The following SCMH1 variants were observed in gnomAD, a reference collection of about 807,000 sequenced individuals.
SCMH1 encodes the protein Scm polycomb group protein homolog 1.
In SCMH1, 37 loss-of-function variants were observed where a neutral mutation model predicts 70.8. The ratio of observed to expected loss-of-function variants is 0.52; its 90% confidence interval spans 0.40 to 0.69. The LOEUF (loss-of-function observed/expected upper bound fraction) is 0.69. Among genes scored for constraint, SCMH1 ranks in the 30% least tolerant of loss-of-function variants. The probability of loss-of-function intolerance (pLI) is 0.00; values close to 1 mark genes in which losing one functional copy is unlikely to be tolerated. For missense variants in SCMH1, 607 were observed against 827.3 expected (o/e 0.73, Z 3.27); for synonymous variants, 292 against 307.4 (o/e 0.95, Z 0.52).
intron 8 of SCMH1, among the ~76,000 whole-genome samples, chr1:41,108,415 A>G (rs1668522389): frequency 6.6e-6 from 1 of 152,238 alleles, no homozygotes. Flanking sequence ...CATGATGGCT[A>G]AAGGTATGAT....
At chr1:41,152,603 A>G (rs1207114730) in intron 4 of SCMH1, 1 of 1,614,150 alleles carries the variant, frequency 6.2e-7, no homozygotes, top group East Asian at 2.2e-5. Flanking sequence ...ACCCACCTAG[A>G]GGTGACCCCA....
intron 10 of SCMH1, among the ~76,000 whole-genome samples, chr1:41,054,478 A>T (rs1244646742): frequency 6.6e-6 from 1 of 152,184 alleles, no homozygotes; most frequent in African/African-American, 2.4e-5. Flanking sequence ...AAGGCAAAAA[A>T]CTATAAATTA....
chr1:41,109,554 C>T (rs1001554130), intron 8 of SCMH1, among the ~76,000 whole-genome samples: 9 of 152,122 alleles, frequency 5.9e-5, no homozygotes, highest in South Asian at 2.1e-4. Flanking sequence ...TTTTGTAGGA[C>T]TTACTGAGGG....
intron 1 of SCMH1, among the ~76,000 whole-genome samples, chr1:41,235,569 T>TA (rs61093555): frequency 0.028 from 1,224 of 42,970 alleles, 101 homozygotes; most frequent in African/African-American, 0.036. Context: ...AGACTCCGTC[T>TA]AAAAAAAAAA....
At chr1:41,066,881 T>C (rs1000792109) in intron 10 of SCMH1, among the ~76,000 whole-genome samples, 6 of 152,132 alleles carry the variant, frequency 3.9e-5, no homozygotes, top group Admixed American at 6.6e-5. Flanking sequence ...TGAGCCACTG[T>C]GCCCAGCCCT....
intron 10 of SCMH1, among the ~76,000 whole-genome samples, chr1:41,049,308 A>ATGTGTGTG (rs1443409793): frequency 1.6e-5 from 1 of 60,780 alleles, no homozygotes; most frequent in South Asian, 8.5e-4. Context: ...TAGCAAGGGC[A>ATGTGTGTG]TATGTGTGTG....
intron 8 of SCMH1, among the ~76,000 whole-genome samples, chr1:41,090,381 A>C (rs563117252): frequency 6.6e-6 from 1 of 152,200 alleles, no homozygotes; most frequent in African/African-American, 2.4e-5. Flanking sequence ...TTAGATGCTC[A>C]TATCTGCTTC....
intron 8 of SCMH1, among the ~76,000 whole-genome samples, chr1:41,089,785 C>CTTTTTTTTTTTT (rs1558778255): frequency 1.1e-4 from 4 of 37,320 alleles, no homozygotes; most frequent in East Asian, 6.9e-4. Context: ...ACCATGTTGT[C>CTTTTTTTTTTTT]TCTTTTTTTT....
At chr1:41,237,203 T>C (rs958321469) in intron 1 of SCMH1, among the ~76,000 whole-genome samples, 2 of 152,292 alleles carry the variant, frequency 1.3e-5, no homozygotes, top group Middle Eastern at 6.8e-3. Flanking sequence ...CTAATCAGTA[T>C]GGCGGAATAA....
chr1:41,186,186 T>C, exon 2 of SCMH1: 2 of 992,304 alleles, frequency 2.0e-6, no homozygotes, highest in African/African-American at 1.6e-5. Flanking sequence ...GATTTATCCC[T>C]GGATCCACCA....
At chr1:41,123,438 C>T (rs1231563754) in intron 6 of SCMH1, among the ~76,000 whole-genome samples, 1 of 152,124 alleles carries the variant, frequency 6.6e-6, no homozygotes, top group Non-Finnish European at 1.5e-5. Flanking sequence ...TGACTAGGGG[C>T]CTCATTAAAG....
At chr1:41,071,618 T>C (rs1656533367) in intron 9 of SCMH1, among the ~76,000 whole-genome samples, 1 of 152,068 alleles carries the variant, frequency 6.6e-6, no homozygotes, top group Non-Finnish European at 1.5e-5. Flanking sequence ...TCAGGGCAGT[T>C]TTTGGGGGAG....
At chr1:41,233,695 C>T (rs1180610669) in intron 1 of SCMH1, among the ~76,000 whole-genome samples, 6 of 152,122 alleles carry the variant, frequency 3.9e-5, no homozygotes, top group African/African-American at 9.7e-5. Flanking sequence ...ATCCAATGAT[C>T]TTCTCTTTTT....
chr1:41,086,249 G>T (rs1316532436), intron 8 of SCMH1, among the ~76,000 whole-genome samples: 2 of 152,150 alleles, frequency 1.3e-5, no homozygotes, highest in Non-Finnish European at 2.9e-5. Flanking sequence ...CTCAAACAGT[G>T]AAAGAATTGA....
At chr1:41,126,484 C>G (rs550534076) in intron 6 of SCMH1, among the ~76,000 whole-genome samples, 1 of 152,144 alleles carries the variant, frequency 6.6e-6, no homozygotes, top group East Asian at 1.9e-4. Context: ...TACTTTCTAC[C>G]TTATTCCAAG....
intron 2 of SCMH1, among the ~76,000 whole-genome samples, chr1:41,173,712 A>G (rs1646935726): frequency 6.6e-6 from 1 of 152,208 alleles, no homozygotes; most frequent in Admixed American, 6.5e-5. Context: ...GGGATCAACC[A>G]AAGTGTCCAT....
intron 6 of SCMH1, among the ~76,000 whole-genome samples, chr1:41,138,025 T>C (rs1643632770): frequency 6.6e-6 from 1 of 152,226 alleles, no homozygotes; most frequent in Non-Finnish European, 1.5e-5. Context: ...TTTGTTTTTG[T>C]CTTAAATTGA....
intron 1 of SCMH1, among the ~76,000 whole-genome samples, chr1:41,232,724 G>A (rs1360489765): frequency 6.6e-6 from 1 of 152,178 alleles, no homozygotes; most frequent in Non-Finnish European, 1.5e-5. Flanking sequence ...ATATTTGACA[G>A]ATACTCAAAA....
At chr1:41,183,572 T>C (rs992628430) in intron 2 of SCMH1, among the ~76,000 whole-genome samples, 3 of 141,522 alleles carry the variant, frequency 2.1e-5, no homozygotes, top group Non-Finnish European at 3.3e-5. Context: ...ACCTCCTACA[T>C]TTATGCCTGT....
Sources: allele counts gnomAD v4.1 joint callset (sites outside exome capture counted in the v4.1 genomes callset), GRCh38; gene constraint gnomAD v4.1.1; transcripts MANE v1.5; gene names NCBI Gene and HGNC (gene_info 2026-07-23, HGNC 2026-07-21).